The following KCNC1 variants were observed in gnomAD, a reference collection of about 807,000 sequenced individuals.
The protein encoded by KCNC1 is voltage-gated potassium channel KCNC1.
KCNC1 carries 8 observed loss-of-function variants against 43.4 expected under a neutral mutation model. The observed-to-expected ratio is 0.18, with a 90% CI of 0.11 to 0.33. The LOEUF is 0.33. KCNC1 is among the 10% of genes least tolerant of loss of function. The pLI, the probability that KCNC1 is intolerant of heterozygous loss-of-function variation, is 1.00. For synonymous variants in KCNC1, 361 were observed against 360.5 expected (o/e 1.00, Z -0.01); for missense variants, 420 against 836.0 (o/e 0.50, Z 6.14).
At chr11:17,752,815 C>A (rs1848983331) in intron 1 of KCNC1, among the ~76,000 whole-genome samples, 1 of 152,188 alleles carries the variant, frequency 6.6e-6, no homozygotes, top group Admixed American at 6.5e-5. Flanking sequence ...GGGGGCATGT[C>A]AGAGCGCTTA....
intron 1 of KCNC1, among the ~76,000 whole-genome samples, chr11:17,760,551 G>T (rs1849066241): frequency 6.6e-6 from 1 of 152,156 alleles, no homozygotes; most frequent in Non-Finnish European, 1.5e-5. Context: ...TGGCCTGTGG[G>T]ACTGCAGGGG....
intron 1 of KCNC1, among the ~76,000 whole-genome samples, chr11:17,756,011 G>C (rs1036317451): frequency 1.3e-5 from 2 of 152,180 alleles, no homozygotes; most frequent in African/African-American, 4.8e-5. Flanking sequence ...AGAAAATCCA[G>C]AGGCTATGCG....
chr11:17,756,371 GT>G (rs1849022329), intron 1 of KCNC1, among the ~76,000 whole-genome samples: 1 of 152,102 alleles, frequency 6.6e-6, no homozygotes, highest in Non-Finnish European at 1.5e-5. Context: ...AGCTGTGGCT[GT>G]TTTTGCTCAC....
intron 1 of KCNC1, among the ~76,000 whole-genome samples, chr11:17,741,256 C>T (rs1462534423): frequency 1.4e-5 from 2 of 139,242 alleles, no homozygotes; most frequent in South Asian, 2.5e-4. Context: ...ATAAACCAAG[C>T]GCCTCCTGGT....
In KCNC1 at chr11:17,779,520, C is replaced by T. The variant is rs1849322933; in HGVS notation, c.1569C>T (p.Asp523=). 1 of 1,551,446 alleles carries T rather than the reference C, an allele frequency of 6.4e-7. No individual in the cohort carries two copies. The highest frequency in any genetic ancestry group is 1.4e-5 in the African/African-American group (1 of 73,168). Residue 523 remains aspartate, a synonymous_variant, in exon 3 of 4, where the codon GAC becomes GAT. Coordinates refer to ENST00000265969, the MANE Select transcript of KCNC1 (RefSeq NM_001112741.2). This position sits in a 1 kb window ranked among gnomAD's most constrained non-coding sequence, Gnocchi z 7.2. ...CGAACGAAGACTGCCCCCACATAGA[C>T]CAGGCCCTCACTCCCGATGAGGGCC... ...ALANEDCPHI[D]QALTPDEGLP...
intron 1 of KCNC1, among the ~76,000 whole-genome samples, chr11:17,754,635 T>C (rs990669445): frequency 1.1e-4 from 16 of 152,162 alleles, no homozygotes; most frequent in Non-Finnish European, 4.4e-5. Context: ...TGCTCCCCAT[T>C]TCCTGGAGGA....
At chr11:17,760,500 G>A (rs1849065788) in intron 1 of KCNC1, among the ~76,000 whole-genome samples, 1 of 152,182 alleles carries the variant, frequency 6.6e-6, no homozygotes. Flanking sequence ...TGCGATATGG[G>A]CTCCTGATTG....
intron 1 of KCNC1, among the ~76,000 whole-genome samples, chr11:17,764,836 G>A (rs982713898): frequency 1.3e-5 from 2 of 150,664 alleles, no homozygotes; most frequent in South Asian, 2.2e-4. Flanking sequence ...CCCGGCCCGC[G>A]GAAGTCCAGA....
At chr11:17,767,830 C>T (rs1029814679) in intron 1 of KCNC1, among the ~76,000 whole-genome samples, 1 of 152,210 alleles carries the variant, frequency 6.6e-6, no homozygotes, top group African/African-American at 2.4e-5. Flanking sequence ...CTGGACCTGG[C>T]TTCTGCTGCC....
At position 17,777,142 on chromosome 11, in the gene KCNC1, AGG is replaced by A; in HGVS notation, c.1505-2312_1505-2311del. On this transcript the variant is annotated intron_variant, in intron 2 of 3. Transcript: ENST00000265969. This position sits in a 1 kb window ranked among gnomAD's most constrained non-coding sequence, Gnocchi z 4.3. ...GTGATTGTGAGAGCTGGGAGCCCCC[AGG>A]GCCTGGGGGCTTGTGGACAGAACCA... The A allele has an allele frequency of 1.0e-6, 1 of 983,820 alleles. No individual in the cohort carries two copies. Among genetic ancestry groups the A allele is most frequent in the Non-Finnish European group, 1.2e-6 (1 of 829,302 alleles). The allele number at this position is 983,820 out of a possible 1,614,324, so 60.9% of individuals were successfully genotyped here.
chr11:17,768,946 G>A lies in KCNC1; in HGVS notation c.571-2719G>A, dbSNP rs559996897. ...AAGAGCCTTGGCAACTCTGGTGATG[G>A]AGAGAGCTCTGGAGCTCATTAAACT... On this transcript the variant is annotated intron_variant, in intron 1 of 3. Coordinates refer to ENST00000265969, the MANE Select transcript of KCNC1 (RefSeq NM_001112741.2). Among the ~76,000 whole-genome samples the A allele has an allele frequency of 1.6e-4, 25 of 152,354 alleles. No homozygotes were observed. In the South Asian group the frequency reaches 4.6e-3, roughly 28 times the overall value.
intron 1 of KCNC1, among the ~76,000 whole-genome samples, chr11:17,745,087 A>C (rs920026058): frequency 3.3e-5 from 5 of 152,156 alleles, no homozygotes; most frequent in Non-Finnish European, 5.9e-5. Flanking sequence ...ACCGATTCAG[A>C]ATCTGCATTT....
At position 17,777,366 on chromosome 11, in the gene KCNC1, G is replaced by T. The variant is rs571844894; in HGVS notation, c.1505-2090G>T. ...CCTCACTCCCCTCCCAGAAGGAGAC[G>T]CTGCCTGGGAGGACCCACTGTTCTC... On this transcript the variant is annotated intron_variant, in intron 2 of 3. Transcript: ENST00000265969. The surrounding 1 kb of genome is among the most constrained non-coding windows in gnomAD (Gnocchi z 4.3). 1.0e-6 allele frequency: 1 copy of T among 985,754 alleles called. No homozygotes were observed. Among genetic ancestry groups the T allele is most frequent in the African/African-American group, 1.7e-5 (1 of 57,216 alleles). The allele number at this position is 985,754 out of a possible 1,614,324, so 61.1% of individuals were successfully genotyped here. A position where few individuals can be genotyped will look rare whatever the true frequency, so the allele number is the denominator to read the frequency against.
chr11:17,755,058 G>A (rs1276062494), intron 1 of KCNC1, among the ~76,000 whole-genome samples: 1 of 152,134 alleles, frequency 6.6e-6, no homozygotes, highest in Non-Finnish European at 1.5e-5. Context: ...CTTGAAATAG[G>A]GTGGTCAGAA....
chr11:17,772,988 T>G (rs1590107058), intron 2 of KCNC1: 1 of 1,084,802 alleles, frequency 9.2e-7, no homozygotes, highest in Non-Finnish European at 1.1e-6. Flanking sequence ...TGGGGGCGGG[T>G]GTGATTTGGA....
At position 17,771,609 on chromosome 11, in the gene KCNC1, C is replaced by G; in HGVS notation, c.571-56C>G. 1 of 1,512,644 alleles carries G rather than the reference C, an allele frequency of 6.6e-7. No individual in the cohort carries two copies. Among genetic ancestry groups the G allele is most frequent in the Non-Finnish European group, 9.0e-7 (1 of 1,110,412 alleles). The allele number at this position is 1,512,644 out of a possible 1,614,324, so 93.7% of individuals were successfully genotyped here. ...GCCCTGGGACTGGACAGAGGCAACCCAGGCTTCTCCACTCTGGGTGGGCCT... is the reference window on the plus strand; with the variant it reads ...GCCCTGGGACTGGACAGAGGCAACCGAGGCTTCTCCACTCTGGGTGGGCCT... On this transcript the variant is annotated intron_variant, in intron 1 of 3. Coordinates refer to ENST00000265969, the MANE Select transcript of KCNC1 (RefSeq NM_001112741.2). This position sits in a 1 kb window ranked among gnomAD's most constrained non-coding sequence, Gnocchi z 4.7.
intron 1 of KCNC1, among the ~76,000 whole-genome samples, chr11:17,755,493 G>C (rs896239513): frequency 6.6e-6 from 1 of 152,166 alleles, no homozygotes; most frequent in Admixed American, 6.5e-5. Flanking sequence ...GCTGGGACAT[G>C]GGTGGTCACA....
At chr11:17,756,517 C>T (rs1458786140) in intron 1 of KCNC1, among the ~76,000 whole-genome samples, 2 of 83,680 alleles carry the variant, frequency 2.4e-5, no homozygotes, top group Non-Finnish European at 5.0e-5. Flanking sequence ...TCCCTTCCCT[C>T]CAAACACACA....
At chr11:17,744,357 C>T (rs1848875098) in intron 1 of KCNC1, among the ~76,000 whole-genome samples, 1 of 152,180 alleles carries the variant, frequency 6.6e-6, no homozygotes, top group Non-Finnish European at 1.5e-5. Context: ...TGGCAAAGGT[C>T]CTGGCCCAGA....
Sources: gnomAD v4.1 joint callset for allele counts (sites outside exome capture counted in the v4.1 genomes callset) on GRCh38, gnomAD v4.1.1 for gene constraint, Gnocchi (gnomAD v3.1) non-coding constraint, MANE v1.5 for transcripts, NCBI Gene and HGNC (gene_info 2026-07-23, HGNC 2026-07-21) for gene names.